The following SYNE2 variants were observed in gnomAD, a reference collection of about 807,000 sequenced individuals.
SYNE2 encodes spectrin repeat containing nuclear envelope protein 2.
In SYNE2, 431 loss-of-function variants were observed where a neutral mutation model predicts 856.3. That is an observed-to-expected ratio of 0.50 (90% CI 0.47 to 0.55). The LOEUF (loss-of-function observed/expected upper bound fraction) is 0.55. SYNE2 is among the 20% of genes least tolerant of loss of function. The pLI, the probability that SYNE2 is intolerant of heterozygous loss-of-function variation, is 0.00. For synonymous variants in SYNE2, 2,923 were observed against 2,872.3 expected, an observed-to-expected ratio of 1.02 and a Z score of -0.56; for missense variants, 8,129 against 8,023.2, an observed-to-expected ratio of 1.01 and a Z score of -0.50.
chr14:64,081,312 C>G, intron 56 of SYNE2, 131 bp from the exon 57 acceptor site: 8 of 1,108,406 alleles, frequency 7.2e-6, no homozygotes, highest in Non-Finnish European at 1.1e-5. Context: ...ATAAGTAGCC[C>G]CAGCCATGGG....
At chr14:64,059,702 C>T (rs2097301320) in intron 49 of SYNE2, among the ~76,000 whole-genome samples, 1 of 152,266 alleles carries the variant, frequency 6.6e-6, no homozygotes, top group Non-Finnish European at 1.5e-5. Flanking sequence ...GCTCAAGGCC[C>T]TTGGGCTCTA....
intron 9 of SYNE2, 111 bp from the exon 10 acceptor site, chr14:63,963,788 T>C (rs2096353353): frequency 4.2e-6 from 3 of 717,022 alleles, no homozygotes; most frequent in East Asian, 5.5e-5. Flanking sequence ...TAATGAATCA[T>C]TGGTGTGTAA....
chr14:63,979,926 A>AG (rs201121632), intron 14 of SYNE2, among the ~76,000 whole-genome samples: 1,993 of 151,984 alleles, frequency 0.013, 15 homozygotes, highest in Non-Finnish European at 0.022. Context: ...AATAGAAATG[A>AG]GGGGGGGAAG....
At chr14:63,934,828 G>A (rs1227826351) in intron 2 of SYNE2, among the ~76,000 whole-genome samples, 1 of 152,098 alleles carries the variant, frequency 6.6e-6, no homozygotes, top group Non-Finnish European at 1.5e-5. Flanking sequence ...AAGGAAGAGA[G>A]TAATCTTTGT....
In SYNE2 at chr14:64,027,804, C is replaced by G. The variant is rs1338574333; in HGVS notation, c.6714+11C>G. Reference sequence around the variant, plus strand: ...CTTCAACAACTGCAGGTGAGGTGGTCAAAATAATGCTTTAAATGATTGTTC... The same window carrying G: ...CTTCAACAACTGCAGGTGAGGTGGTGAAAATAATGCTTTAAATGATTGTTC... On this transcript the variant is annotated intron_variant, in intron 43 of 115. Coordinates refer to ENST00000555002, the MANE Select transcript of SYNE2 (RefSeq NM_182914.3). The G allele has an allele frequency of 6.2e-7, 1 of 1,603,978 alleles. No individual in the cohort carries two copies. The highest frequency in any genetic ancestry group is 1.3e-5 in the African/African-American group (1 of 74,694).
chr14:64,099,164 G>A (rs577943415), intron 63 of SYNE2: 430 of 309,810 alleles, frequency 1.4e-3, no homozygotes, highest in Non-Finnish European at 2.1e-3. Flanking sequence ...GTATTTTTCC[G>A]CATTTCAATT....
intron 63 of SYNE2, chr14:64,099,578 A>C (rs1240066952): frequency 6.6e-6 from 1 of 152,280 alleles, no homozygotes; most frequent in East Asian, 1.9e-4. Context: ...ATACCCCTTC[A>C]TGGCAGAGAG....
chr14:63,812,909 T>TA (rs1255093384), intron 1 of SYNE2, among the ~76,000 whole-genome samples: 2 of 152,004 alleles, frequency 1.3e-5, no homozygotes, highest in Non-Finnish European at 2.9e-5. Context: ...TTAAAAAAAT[T>TA]AAAAAAAGAA....
chr14:64,074,488 C>A (rs1010707323), intron 53 of SYNE2, among the ~76,000 whole-genome samples: 3 of 152,194 alleles, frequency 2.0e-5, no homozygotes, highest in African/African-American at 7.2e-5. Flanking sequence ...TTGTCTCTGA[C>A]AGGGTCTATG....
Position 64,065,571 on chromosome 14 carries a change from T to C in SYNE2, c.10352T>C (p.Leu3451Pro). ...KIVSALWEKW[L>P]SLLEAAKEWE... ...GTGTCGGCTCTGTGGGAGAAATGGC[T>C]GAGTTTGCTGGAAGCTGCTAAAGAG... The change falls in exon 51 of 116, where the codon CTG becomes CCG. Residue 3451 changes from leucine (L) to proline (P), a missense_variant. By Grantham distance (98) the Leu-to-Pro change is moderately conservative. Coordinates refer to ENST00000555002, the MANE Select transcript of SYNE2 (RefSeq NM_182914.3). 1.2e-6 allele frequency: 2 copies of C among 1,614,158 alleles called. No individual in the cohort carries two copies. Among genetic ancestry groups the C allele is most frequent in the Non-Finnish European group, 1.7e-6 (2 of 1,180,028 alleles).
At chr14:64,215,776 G>A in intron 107 of SYNE2, 1 of 433,142 alleles carries the variant, frequency 2.3e-6, no homozygotes, top group Non-Finnish European at 3.9e-6. Flanking sequence ...ATTTGCCACA[G>A]GAGGGAAAAA....
intron 85 of SYNE2, among the ~76,000 whole-genome samples, chr14:64,153,563 A>G (rs1016805821): frequency 6.6e-6 from 1 of 152,216 alleles, no homozygotes; most frequent in African/African-American, 2.4e-5. Flanking sequence ...CTCATTCCTC[A>G]GTCCTCATTC....
In SYNE2 at chr14:64,209,927, TC is replaced by T. The variant is rs2098631102; in HGVS notation, c.18541-12del. Reference sequence around the variant, plus strand: ...CTCTGCATGCTTTGGCTCTGACCCCTCCCATGTGATGCAGGCCTTTCAGCGG... The same window carrying T: ...CTCTGCATGCTTTGGCTCTGACCCCTCCATGTGATGCAGGCCTTTCAGCGG... On this transcript the variant is annotated splice_polypyrimidine_tract_variant and intron_variant, in intron 102 of 115. Transcript: ENST00000555002. 6 of 1,614,004 alleles carry T rather than the reference TC, an allele frequency of 3.7e-6. No individual in the cohort carries two copies. Among genetic ancestry groups the T allele is most frequent in the Non-Finnish European group, 5.1e-6 (6 of 1,180,016 alleles).
In SYNE2 at chr14:64,084,897, G is replaced by A. The variant is rs1485881287; in HGVS notation, c.11485-2774G>A. On this transcript the variant is annotated intron_variant, in intron 57 of 115. Transcript: ENST00000555002. ...AAGGCTCGACTTGTGTGAGGGAGGAGGTGGGATCTGCTTCCAAGCTCATTC... is the reference window on the plus strand; with the variant it reads ...AAGGCTCGACTTGTGTGAGGGAGGAAGTGGGATCTGCTTCCAAGCTCATTC... 4 of 699,754 alleles carry A rather than the reference G, an allele frequency of 5.7e-6. No homozygotes were observed. The East Asian group carries it at 1.1e-4, about 19-fold the overall frequency. The allele number at this position is 699,754 out of a possible 1,614,324, so 43.3% of individuals were successfully genotyped here. A position where few individuals can be genotyped will look rare whatever the true frequency, so the allele number is the denominator to read the frequency against.
intron 1 of SYNE2, among the ~76,000 whole-genome samples, chr14:63,905,567 G>A (rs1229288680): frequency 6.6e-6 from 1 of 152,080 alleles, no homozygotes; most frequent in Non-Finnish European, 1.5e-5. Context: ...TGTGGCTATT[G>A]TAAACGGGAT....
At chr14:63,941,627 T>G in intron 3 of SYNE2, 68 bp from the exon 4 acceptor site, 288 of 1,328,804 alleles carry the variant, frequency 2.2e-4, no homozygotes, top group Non-Finnish European at 2.8e-4. Flanking sequence ...AGCACATTTA[T>G]GAGATTCTTA....
rs143023648 is a variant in SYNE2 at position 64,219,466 on chromosome 14, G to A, written c.19860+56G>A. 1,670 of 1,564,522 alleles carry A rather than the reference G, an allele frequency of 1.1e-3. 11 individuals are homozygous for A. The African/African-American group carries it at 0.019, about 18-fold the overall frequency. ...TTCAGAATGTGCATGTGAACGCATT[G>A]CTATGCTGGACGAGCAGATCCCATG... On this transcript the variant is annotated intron_variant, in intron 110 of 115. Transcript: ENST00000555002.
At chr14:63,884,336 T>G (rs926485392) in intron 1 of SYNE2, among the ~76,000 whole-genome samples, 4 of 152,184 alleles carry the variant, frequency 2.6e-5, no homozygotes, top group African/African-American at 9.7e-5. Context: ...AGGTAGGAGT[T>G]ACTCGTTGAG....
chr14:63,852,010 T>TCGG (rs796230278), upstream of SYNE2, among the ~76,000 whole-genome samples: 2 of 2,440 alleles, frequency 8.2e-4, 1 homozygote. Context: ...ATGGATGAAA[T>TCGG]GGGGGGGGGG....
Sources: gnomAD v4.1 joint callset for allele counts (sites outside exome capture counted in the v4.1 genomes callset) on GRCh38, gnomAD v4.1.1 for gene constraint, MANE v1.5 for transcripts, NCBI Gene and HGNC (gene_info 2026-07-23, HGNC 2026-07-21) for gene names.